Variants in NFAT5 observed in about 807,000 individuals in gnomAD.
NFAT5 encodes the protein nuclear factor of activated T-cells 5.
NFAT5 carries 31 observed loss-of-function variants against 166.5 expected under a neutral mutation model. That is an observed-to-expected ratio of 0.19 (90% CI 0.14 to 0.25). The LOEUF is 0.25. Ranked by LOEUF, NFAT5 falls within the 10% of genes least tolerant of loss-of-function variation. NFAT5 has a pLI of 1.00. For missense variants in NFAT5, 1,449 were observed against 1,821.8 expected, an observed-to-expected ratio of 0.80 and a Z score of 3.72; for synonymous variants, 612 against 639.7, an observed-to-expected ratio of 0.96 and a Z score of 0.65.
intron 3 of NFAT5, chr16:69,632,115 A>G (rs762350402): frequency 2.0e-4 from 30 of 152,202 alleles, no homozygotes; most frequent in Admixed American, 5.2e-4. Context: ...GCTATATTCT[A>G]ATTCATTTCA....
rs761275165 is a variant in NFAT5 at position 69,693,387 on chromosome 16, C to T, written c.3562C>T (p.Leu1188Phe). The stretch of plus-strand genomic sequence containing the variant: ...TGCAGCACCGAACTCAATTTCTCCA[C>T]TTCAGTCAACATCAAACAGTGAACA... ...FFAAPNSISP[L>F]QSTSNSEQQA... Residue 1188 changes from leucine to phenylalanine, a missense_variant, in exon 13 of 15, where the codon CTT becomes TTT. By Grantham distance (22) the Leu-to-Phe change is conservative. Transcript: ENST00000349945. 10 of 1,614,088 alleles carry T rather than the reference C, an allele frequency of 6.2e-6. No individual in the cohort carries two copies. In the South Asian group the frequency reaches 7.7e-5, roughly 12 times the overall value.
Position 69,677,318 on chromosome 16 carries a change from C to G in NFAT5, c.1673C>G (p.Thr558Ser). 3 of 1,605,556 alleles carry G rather than the reference C, an allele frequency of 1.9e-6. No homozygotes were observed. Among genetic ancestry groups the G allele is most frequent in the Non-Finnish European group, 1.7e-6 (2 of 1,177,412 alleles). Residue 558 changes from threonine (T) to serine (S), a missense_variant, in exon 10 of 15, where the codon ACT (threonine) becomes AGT (serine). Physicochemically the swap from Thr to Ser is moderately conservative, Grantham distance 58. Around this residue, in one of 7 missense-constraint regions of NFAT5, gnomAD observed 245 missense variants for 366.6 expected, o/e 0.67. Transcript: ENST00000349945. ...AGATCTCATGATGTTCAACCATTCACTTACACTCCAGACCCAGGTATGTCA... is the reference window on the plus strand; with the variant it reads ...AGATCTCATGATGTTCAACCATTCAGTTACACTCCAGACCCAGGTATGTCA... ...AGRSHDVQPF[T>S]YTPDPAAAGA...
chr16:69,683,592 G>A (rs529061045), intron 10 of NFAT5, among the ~76,000 whole-genome samples: 15 of 152,206 alleles, frequency 9.9e-5, no homozygotes, highest in South Asian at 8.3e-4. Context: ...AAGCAAGAAC[G>A]AATTTATTTG....
Position 69,684,932 on chromosome 16 carries a change from G to C in NFAT5, c.1736G>C (p.Ser579Thr). 6.2e-7 allele frequency: 1 copy of C among 1,610,544 alleles called. No individual in the cohort carries two copies. Among genetic ancestry groups the C allele is most frequent in the Non-Finnish European group, 8.5e-7 (1 of 1,178,812 alleles). The change falls in exon 11 of 15, where the codon AGT becomes ACT. Residue 579 changes from serine to threonine, a missense_variant. Coordinates refer to ENST00000349945, the MANE Select transcript of NFAT5 (RefSeq NM_138713.4). ...LNVNVKKEIS[S>T]PARPCSFEEA... Reference sequence around the variant, plus strand: ...GTAAATGTGAAGAAGGAAATATCTAGTCCAGCAAGACCTTGCTCTTTTGAA... The same window carrying C: ...GTAAATGTGAAGAAGGAAATATCTACTCCAGCAAGACCTTGCTCTTTTGAA...
chr16:69,575,319 C>T (rs1344416973), intron 2 of NFAT5, among the ~76,000 whole-genome samples: 2 of 152,116 alleles, frequency 1.3e-5, no homozygotes, highest in African/African-American at 4.8e-5. Context: ...AGGTGCACAC[C>T]ACCATGCCCA....
chr16:69,641,648 A>G (rs1288340877), intron 3 of NFAT5, among the ~76,000 whole-genome samples: 1 of 152,182 alleles, frequency 6.6e-6, no homozygotes, highest in Non-Finnish European at 1.5e-5. Flanking sequence ...CATATAAAGT[A>G]TATCTTTTTT....
chr16:69,626,531 A>G lies in NFAT5; in HGVS notation c.253+3A>G, dbSNP rs2034468755. 6.5e-7 allele frequency: 1 copy of G among 1,541,742 alleles called. No individual in the cohort carries two copies. The highest frequency in any genetic ancestry group is 8.7e-7 in the Non-Finnish European group (1 of 1,148,898). Reference sequence around the variant, plus strand: ...TCCTCCAGCTGTTGTTGCTGCTGGTATGCATTTCATTTTACTTTATTAAAG... The same window carrying G: ...TCCTCCAGCTGTTGTTGCTGCTGGTGTGCATTTCATTTTACTTTATTAAAG... On this transcript the variant is annotated splice_donor_region_variant and intron_variant, in intron 3 of 14. Transcript: ENST00000349945.
intron 7 of NFAT5, 30 bp from the exon 8 acceptor site, chr16:69,669,947 T>C: frequency 6.5e-7 from 1 of 1,527,988 alleles, no homozygotes; most frequent in Non-Finnish European, 8.7e-7. Context: ...TTGGTGGTTC[T>C]TCTTATAGAA....
At chr16:69,659,287 CA>C (rs1333367894) in intron 6 of NFAT5, among the ~76,000 whole-genome samples, 7 of 151,556 alleles carry the variant, frequency 4.6e-5, no homozygotes, top group Non-Finnish European at 1.0e-4. Context: ...ACTAAAAATA[CA>C]AAAAATAGTT....
At chr16:69,614,121 T>C (rs950552583) in intron 2 of NFAT5, among the ~76,000 whole-genome samples, 1 of 152,156 alleles carries the variant, frequency 6.6e-6, no homozygotes, top group Non-Finnish European at 1.5e-5. Flanking sequence ...TAGATTGGTC[T>C]TTTCTCTCTT....
At chr16:69,686,133 G>C (rs1367276454) in intron 11 of NFAT5, 1 of 152,116 alleles carries the variant, frequency 6.6e-6, no homozygotes, top group African/African-American at 2.4e-5. Context: ...CAGATCATCG[G>C]AGGTCAGGAG....
chr16:69,585,057 G>A (rs910041148), intron 2 of NFAT5, among the ~76,000 whole-genome samples: 40 of 151,984 alleles, frequency 2.6e-4, no homozygotes, highest in African/African-American at 9.7e-4. Context: ...GAGTGCAGTG[G>A]CATGATCTCA....
At chr16:69,626,164 A>T (rs1031346501) in intron 2 of NFAT5, among the ~76,000 whole-genome samples, 2 of 150,394 alleles carry the variant, frequency 1.3e-5, no homozygotes, top group East Asian at 1.9e-4. Context: ...TGTTGCCCAA[A>T]CTCGTCTTTA....
intron 10 of NFAT5, among the ~76,000 whole-genome samples, chr16:69,684,121 T>C (rs1026023027): frequency 6.6e-6 from 1 of 151,528 alleles, no homozygotes; most frequent in African/African-American, 2.4e-5. Flanking sequence ...TAGCCTGGCA[T>C]GGTGGCGTGC....
At chr16:69,620,938 T>G (rs942252219) in intron 2 of NFAT5, among the ~76,000 whole-genome samples, 4 of 152,236 alleles carry the variant, frequency 2.6e-5, no homozygotes, top group African/African-American at 9.6e-5. Context: ...AGATTGAACC[T>G]ATACATTTTT....
rs1389945182 is a variant in NFAT5, at chr16:69,703,414, C to T, written c.*7063C>T. 9.2e-5 allele frequency: 14 copies of T among 152,566 alleles called. No homozygotes were observed. The highest frequency in any genetic ancestry group is 1.5e-5 in the Non-Finnish European group (1 of 68,022). The allele number at this position is 152,566 out of a possible 1,614,324, so 9.5% of individuals were successfully genotyped here. ...TGCATTATACAATTTGGGCATTTCT[C>T]GTTTCTCAAGTGTATGCATCATGGT... On this transcript the variant is annotated 3_prime_UTR_variant, in exon 15 of 15. Coordinates refer to ENST00000349945, the MANE Select transcript of NFAT5 (RefSeq NM_138713.4).
intron 2 of NFAT5, among the ~76,000 whole-genome samples, chr16:69,607,767 A>G (rs2033492343): frequency 6.6e-6 from 1 of 151,736 alleles, no homozygotes; most frequent in Non-Finnish European, 1.5e-5. Context: ...CTCATTTTCT[A>G]TTTTCTTTTT....
rs144343499 is a variant in NFAT5, at chr16:69,691,904, G to T, written c.2079G>T (p.Leu693=). The change falls in exon 13 of 15, where the codon CTG becomes CTT. Residue 693 remains leucine, a synonymous_variant. Coordinates refer to ENST00000349945, the MANE Select transcript of NFAT5 (RefSeq NM_138713.4). ...IQPKAYNPET[L]TTIQTQDISQ... ...CCAAGGCATACAACCCAGAGACCCT[G>T]ACAACTATTCAAACCCAGGACATCT... 3 of 1,614,110 alleles carry T rather than the reference G, an allele frequency of 1.9e-6. No individual in the cohort carries two copies. In the South Asian group the frequency reaches 3.3e-5, roughly 18 times the overall value.
intron 11 of NFAT5, among the ~76,000 whole-genome samples, chr16:69,689,794 C>G (rs2037477501): frequency 6.6e-6 from 1 of 152,210 alleles, no homozygotes; most frequent in Non-Finnish European, 1.5e-5. Flanking sequence ...AGCCACCTGC[C>G]TCGGCCTCCC....
Sources: gnomAD v4.1 joint callset for allele counts (sites outside exome capture counted in the v4.1 genomes callset) on GRCh38, gnomAD v4.1.1 for gene constraint, gnomAD v4.1.1 regional missense constraint, MANE v1.5 for transcripts, NCBI Gene and HGNC (gene_info 2026-07-23, HGNC 2026-07-21) for gene names.